Variants in DPH6 observed in about 807,000 individuals in gnomAD.
The protein encoded by DPH6 is diphthamine biosynthesis 6.
DPH6 carries 33 observed loss-of-function variants against 38.2 expected under a neutral mutation model. The observed-to-expected ratio is 0.86, with a 90% CI of 0.65 to 1.15. DPH6 has a LOEUF of 1.15. Among genes scored for constraint, DPH6 ranks in the 50% most tolerant of loss-of-function variants. The pLI, the probability that DPH6 is intolerant of heterozygous loss-of-function variation, is 0.00. For missense variants in DPH6, 325 were observed against 320.0 expected (o/e 1.02, Z -0.12); for synonymous variants, 108 against 103.0 (o/e 1.05, Z -0.30).
chr15:35,391,203 G>GT (rs1237236500), intron 6 of DPH6, among the ~76,000 whole-genome samples: 13 of 152,292 alleles, frequency 8.5e-5, no homozygotes, highest in Non-Finnish European at 1.5e-5. Context: ...TCCTCTGGAA[G>GT]TTTTTTCTCA....
At chr15:35,278,327 G>T (rs2051872855) in intron 3 of DPH6, among the ~76,000 whole-genome samples, 1 of 152,252 alleles carries the variant, frequency 6.6e-6, no homozygotes. Context: ...ATCCTTGGCA[G>T]CTTTCATGTG....
chr15:35,502,313 CA>C (rs2141198477), intron 3 of DPH6, among the ~76,000 whole-genome samples: 1 of 151,470 alleles, frequency 6.6e-6, no homozygotes, highest in African/African-American at 2.4e-5. Context: ...AAAATTTTCT[CA>C]AAGGCTAAAA....
intron 3 of DPH6, among the ~76,000 whole-genome samples, chr15:35,230,089 G>A (rs2051506575): frequency 6.6e-6 from 1 of 152,208 alleles, no homozygotes; most frequent in African/African-American, 2.4e-5. Flanking sequence ...AATCAGGACT[G>A]TGTCCTTTTC....
In DPH6 at chr15:35,473,961, C is replaced by T. The variant is rs994753695; in HGVS notation, c.313-19141G>A. On this transcript the variant is annotated intron_variant, in intron 3 of 8. Coordinates refer to ENST00000256538, the MANE Select transcript of DPH6 (RefSeq NM_080650.4). The stretch of plus-strand genomic sequence containing the variant: ...GTGTGTGTGTGTGTGTGTGTGTGCG[C>T]GCGCGCGCGTGAGCTTTTGTAGACA... 8.8e-4 allele frequency among the ~76,000 whole-genome samples: 116 copies of T among 131,646 alleles called. 1 individual carries two copies. Among genetic ancestry groups the T allele is most frequent in the African/African-American group, 3.1e-3 (104 of 33,248 alleles). The allele number at this position is 131,646 out of a possible 152,430, so 86.4% of individuals were successfully genotyped here. A position where few individuals can be genotyped will look rare whatever the true frequency, so the allele number is the denominator to read the frequency against.
chr15:35,464,294 A>AAC (rs2054101618), intron 3 of DPH6, among the ~76,000 whole-genome samples: 1 of 137,232 alleles, frequency 7.3e-6, no homozygotes, highest in Admixed American at 7.0e-5. Context: ...CTTTGTCTCA[A>AAC]AAAAAAAAAA....
chr15:35,475,086 C>A (rs958384), intron 3 of DPH6, among the ~76,000 whole-genome samples: 136,240 of 151,994 alleles, frequency 0.9, 61,202 homozygotes, highest in East Asian at 1. Flanking sequence ...CACCGCAGAC[C>A]TAGTAAAGTA....
At chr15:35,355,974 T>A (rs2052556408) in intron 3 of DPH6, among the ~76,000 whole-genome samples, 1 of 152,356 alleles carries the variant, frequency 6.6e-6, no homozygotes, top group African/African-American at 2.4e-5. Context: ...TTGGAGGCTT[T>A]GTTCATTTCT....
Position 35,217,815 on chromosome 15 carries a change from T to C in DPH6, n.2968A>G, listed in dbSNP as rs186490627. 3.3e-5 allele frequency: 5 copies of C among 152,328 alleles called. No individual in the cohort carries two copies. In the East Asian group the frequency reaches 7.7e-4, roughly 23 times the overall value. The allele number at this position is 152,328 out of a possible 1,614,324, so 9.4% of individuals were successfully genotyped here. On this transcript the variant is annotated non_coding_transcript_exon_variant, in exon 4 of 4. Transcript: ENST00000560386. ...TATTGCAAAGGGATATACAGTTCTT[T>C]CTTGGTGTCAGTGGGGGAATGGTTC... is the stretch of plus-strand genomic sequence containing the variant.
chr15:35,151,097 C>T, the DPH6 span, among the ~76,000 whole-genome samples: 1 of 152,168 alleles, frequency 6.6e-6, no homozygotes, highest in East Asian at 1.9e-4. Flanking sequence ...ATGTAGGTAA[C>T]TCGATTGAGT....
At chr15:35,261,177 T>C (rs2051744048) in intron 3 of DPH6, among the ~76,000 whole-genome samples, 1 of 152,200 alleles carries the variant, frequency 6.6e-6, no homozygotes, top group Admixed American at 6.5e-5. Context: ...CCTTATGCAG[T>C]TTCACCAGCT....
intron 2 of DPH6, among the ~76,000 whole-genome samples, chr15:35,541,758 AG>A (rs1030255253): frequency 1.8e-4 from 28 of 152,182 alleles, no homozygotes; most frequent in African/African-American, 6.3e-4. Flanking sequence ...AGCATTAAAA[AG>A]CAAATTGGTG....
At chr15:35,359,959 T>C (rs1178861088) in intron 3 of DPH6, among the ~76,000 whole-genome samples, 1 of 152,204 alleles carries the variant, frequency 6.6e-6, no homozygotes, top group African/African-American at 2.4e-5. Context: ...TTATAGCTTA[T>C]TAAACTTCTT....
chr15:35,323,221 T>C (rs976020126), intron 3 of DPH6, among the ~76,000 whole-genome samples: 2 of 152,140 alleles, frequency 1.3e-5, no homozygotes, highest in African/African-American at 2.4e-5. Flanking sequence ...TTAAGGATGA[T>C]GTTATTAAGG....
chr15:35,215,868 G>A (rs565849192), downstream of DPH6, among the ~76,000 whole-genome samples: 5 of 152,298 alleles, frequency 3.3e-5, no homozygotes, highest in African/African-American at 1.2e-4. Context: ...GGTGGGACAC[G>A]GCAAACCTGG....
the DPH6 span, among the ~76,000 whole-genome samples, chr15:35,153,549 T>A: frequency 6.6e-6 from 1 of 152,306 alleles, no homozygotes; most frequent in Admixed American, 6.5e-5. Context: ...AATTAGGCCA[T>A]CCTTCTAAGA....
Position 35,373,564 on chromosome 15 carries a change from G to A in DPH6, c.707C>T (p.Pro236Leu), listed in dbSNP as rs10519996. 4.4e-6 allele frequency: 7 copies of A among 1,608,462 alleles called. No individual in the cohort carries two copies. In the South Asian group the frequency reaches 7.8e-5, roughly 18 times the overall value. ...VVIHSADAFA[P>L]VAYLRFLELH... ...TTCTAAAAAGCGTAGATAAGCCACA[G>A]GTGCAAATGCATCAGCTGAATGTAT... Residue 236 changes from proline to leucine, a missense_variant, in exon 8 of 9, where the codon CCT (proline) becomes CTT (leucine). Physicochemically the swap from Pro to Leu is moderately conservative, Grantham distance 98 (BLOSUM62 -3). Coordinates refer to ENST00000256538, the MANE Select transcript of DPH6 (RefSeq NM_080650.4).
chr15:35,539,865 C>T (rs2055225811), intron 2 of DPH6, among the ~76,000 whole-genome samples: 1 of 151,998 alleles, frequency 6.6e-6, no homozygotes, highest in Non-Finnish European at 1.5e-5. Flanking sequence ...TGAACTCACA[C>T]ATTGTTAGAT....
intron 3 of DPH6, among the ~76,000 whole-genome samples, chr15:35,235,666 T>C (rs1486176397): frequency 6.6e-6 from 1 of 152,222 alleles, no homozygotes; most frequent in Non-Finnish European, 1.5e-5. Flanking sequence ...ATATACACTG[T>C]TTTAAAATTT....
intron 3 of DPH6, chr15:35,298,473 TG>T: frequency 1.3e-6 from 1 of 770,200 alleles, no homozygotes; most frequent in Non-Finnish European, 2.4e-6. Context: ...CGTTCTTCCT[TG>T]GTTTTAACTT....
Sources: gnomAD v4.1 joint callset for allele counts (sites outside exome capture counted in the v4.1 genomes callset) on GRCh38, gnomAD v4.1.1 for gene constraint, MANE v1.5 for transcripts, NCBI Gene and HGNC (gene_info 2026-07-23, HGNC 2026-07-21) for gene names.